Variants in GOLGA5 observed in about 807,000 individuals in gnomAD.
GOLGA5 encodes golgin A5, also known as golgin subfamily A member 5.
GOLGA5 carries 50 observed loss-of-function variants against 93.5 expected under a neutral mutation model. The ratio of observed to expected loss-of-function variants is 0.53; its 90% CI spans 0.43 to 0.68. The LOEUF (loss-of-function observed/expected upper bound fraction) is 0.68. GOLGA5 is among the 30% of genes least tolerant of loss of function. The pLI is 0.00. For synonymous variants in GOLGA5, 312 were observed against 304.5 expected (o/e 1.02, Z -0.26); for missense variants, 760 against 856.4 (o/e 0.89, Z 1.40).
At chr14:92,819,196 A>G (rs1379000506) in intron 7 of GOLGA5, among the ~76,000 whole-genome samples, 1 of 152,194 alleles carries the variant, frequency 6.6e-6, no homozygotes, top group Admixed American at 6.5e-5. Context: ...GTGAAACCAC[A>G]TGGCTTATGT....
chr14:92,831,730 A>G (rs1885535919), intron 9 of GOLGA5, among the ~76,000 whole-genome samples: 1 of 152,156 alleles, frequency 6.6e-6, no homozygotes, highest in Admixed American at 6.5e-5. Flanking sequence ...AGTAAACCTT[A>G]GTTTATACTC....
chr14:92,809,447 G>C lies in GOLGA5; in HGVS notation c.920G>C (p.Arg307Thr). ...KDSQLAVLKV[R>T]LQEADQLLST... ...TCCCAGCTGGCTGTACTGAAAGTGAGACTCCAGGAAGCTGACCAGCTACTG... is the reference window on the plus strand; with the variant it reads ...TCCCAGCTGGCTGTACTGAAAGTGACACTCCAGGAAGCTGACCAGCTACTG... Residue 307 changes from arginine to threonine, a missense_variant, in exon 4 of 13, where the codon AGA becomes ACA. By Grantham distance (71) the Arg-to-Thr change is moderately conservative (BLOSUM62 -1). Transcript: ENST00000163416. The C allele has an allele frequency of 6.2e-7, 1 of 1,614,084 alleles. No homozygotes were observed. Among genetic ancestry groups the C allele is most frequent in the Non-Finnish European group, 8.5e-7 (1 of 1,179,982 alleles).
chr14:92,797,343 T>C (rs932586068), intron 1 of GOLGA5, 65 bp from the exon 2 acceptor site: 6 of 925,224 alleles, frequency 6.5e-6, no homozygotes, highest in African/African-American at 1.7e-5. Context: ...CTCCAGAGTC[T>C]GGTCTTAACC....
chr14:92,837,594 G>A, intron 12 of GOLGA5, 145 bp downstream of exon 12: 1 of 587,184 alleles, frequency 1.7e-6, no homozygotes, highest in South Asian at 1.9e-5. Flanking sequence ...AACAGGGTCT[G>A]GCTCTTTTGC....
At chr14:92,812,522 G>A (rs1302615318) in intron 6 of GOLGA5, among the ~76,000 whole-genome samples, 2 of 152,170 alleles carry the variant, frequency 1.3e-5, no homozygotes, top group Non-Finnish European at 2.9e-5. Context: ...ATGCTTACCA[G>A]AATTGTGTAC....
At position 92,833,361 on chromosome 14, in the gene GOLGA5, G is replaced by T; in HGVS notation, c.1945+14G>T. On this transcript the variant is annotated intron_variant, in intron 10 of 12. Transcript: ENST00000163416. The stretch of plus-strand genomic sequence containing the variant: ...ACAATGGTGAAGGTAATCAAAAAAG[G>T]AATCTCAAAAGAACATTTCATTCAA... The T allele has an allele frequency of 6.7e-7, 1 of 1,483,562 alleles. No individual in the cohort carries two copies. The highest frequency in any genetic ancestry group is 2.3e-5 in the East Asian group (1 of 44,266). The allele number at this position is 1,483,562 out of a possible 1,614,324, so 91.9% of individuals were successfully genotyped here. A position where few individuals can be genotyped will look rare whatever the true frequency, so the allele number is the denominator to read the frequency against.
At position 92,794,656 on chromosome 14, in the gene GOLGA5, C is replaced by T. The variant is rs74833945; in HGVS notation, c.-31+200C>T. ...GACGTCGTTTACTGCCCTCCTCTGTCTTCCTTTCTCCTGACCCCTGCCTGG... is the reference window on the plus strand; with the variant it reads ...GACGTCGTTTACTGCCCTCCTCTGTTTTCCTTTCTCCTGACCCCTGCCTGG... On this transcript the variant is annotated intron_variant, in intron 1 of 12. Coordinates refer to ENST00000163416, the MANE Select transcript of GOLGA5 (RefSeq NM_005113.4). Among the ~76,000 whole-genome samples the T allele has an allele frequency of 1.1e-3, 169 of 152,382 alleles. 1 individual carries two copies. In the East Asian group the frequency reaches 0.022, roughly 20 times the overall value.
intron 9 of GOLGA5, among the ~76,000 whole-genome samples, chr14:92,825,076 A>ACT (rs565989982): frequency 7.1e-4 from 108 of 152,312 alleles, no homozygotes; most frequent in African/African-American, 2.5e-3. Flanking sequence ...AAATAATGAC[A>ACT]CTCATGTGCC....
At chr14:92,805,679 G>T (rs542045118) in intron 2 of GOLGA5, among the ~76,000 whole-genome samples, 3 of 152,246 alleles carry the variant, frequency 2.0e-5, no homozygotes, top group Non-Finnish European at 2.9e-5. Flanking sequence ...ATTCTAGGGG[G>T]TGTCTGTTGG....
rs906969006 is a variant in GOLGA5, at chr14:92,839,613, T to TCG, written c.*168_*169insGC. The TCG allele has an allele frequency of 1.2e-5, 7 of 598,342 alleles. No individual in the cohort carries two copies. In the African/African-American group the frequency reaches 1.3e-4, roughly 11 times the overall value. The allele number at this position is 598,342 out of a possible 1,614,324, so 37.1% of individuals were successfully genotyped here. On this transcript the variant is annotated 3_prime_UTR_variant, in exon 13 of 13. Transcript: ENST00000163416. ...AGTATTCTACCTAAATCTTCCAATT[T>TCG]CCTTTAAATGGTAAGAGTTTCTAAA...
Position 92,839,873 on chromosome 14 carries a change from A to G in GOLGA5, c.*427A>G. 5.3e-6 allele frequency: 1 copy of G among 188,172 alleles called. No homozygotes were observed. The highest frequency in any genetic ancestry group is 8.9e-5 in the East Asian group (1 of 11,196). 11.7% of individuals were successfully genotyped at this position (188,172 alleles called of 1,614,324 possible). On this transcript the variant is annotated 3_prime_UTR_variant, in exon 13 of 13. Transcript: ENST00000163416. ...TTCATATATTTAACTTTGCAAAAAG[A>G]TTTACTTTGTACATGTTACAGGCTT... is the stretch of plus-strand genomic sequence containing the variant.
At chr14:92,808,692 G>C (rs1232608983) in intron 3 of GOLGA5, among the ~76,000 whole-genome samples, 2 of 65,536 alleles carry the variant, frequency 3.1e-5, no homozygotes, top group African/African-American at 1.2e-4. Context: ...AGAAAGGTGT[G>C]TCTCACTGGA....
intron 12 of GOLGA5, among the ~76,000 whole-genome samples, chr14:92,839,103 C>G (rs1361770138): frequency 6.6e-6 from 1 of 152,164 alleles, no homozygotes; most frequent in Non-Finnish European, 1.5e-5. Context: ...GCATTATAAT[C>G]AACTGATTAT....
intron 10 of GOLGA5, among the ~76,000 whole-genome samples, chr14:92,834,184 C>CTTT (rs35449807): frequency 1.3e-4 from 18 of 135,024 alleles, no homozygotes; most frequent in Non-Finnish European, 1.6e-4. Flanking sequence ...TAGGTTTCAC[C>CTTT]TTTTTTTTTT....
intron 2 of GOLGA5, among the ~76,000 whole-genome samples, chr14:92,798,629 C>G (rs1884791347): frequency 2.0e-5 from 3 of 152,204 alleles, no homozygotes; most frequent in African/African-American, 4.8e-5. Flanking sequence ...TTTAAAATAG[C>G]TATAGGCTGG....
intron 10 of GOLGA5, among the ~76,000 whole-genome samples, chr14:92,834,534 C>T (rs1301700019): frequency 6.6e-6 from 1 of 152,128 alleles, no homozygotes; most frequent in Non-Finnish European, 1.5e-5. Context: ...GTGTTCCAGG[C>T]AGAAAGAAGA....
chr14:92,807,160 G>A (rs1259391341), intron 3 of GOLGA5, among the ~76,000 whole-genome samples, 197 bp downstream of exon 3: 1 of 152,052 alleles, frequency 6.6e-6, no homozygotes, highest in African/African-American at 2.4e-5. Context: ...AAATTAGTCA[G>A]ATGTGGTTGC....
At chr14:92,814,499 G>T (rs1885164381) in intron 6 of GOLGA5, among the ~76,000 whole-genome samples, 1 of 152,098 alleles carries the variant, frequency 6.6e-6, no homozygotes, top group Non-Finnish European at 1.5e-5. Context: ...TGGAGGCAGG[G>T]TACTTGACCA....
intron 2 of GOLGA5, among the ~76,000 whole-genome samples, chr14:92,804,574 A>T (rs1884941608): frequency 6.6e-6 from 1 of 151,968 alleles, no homozygotes; most frequent in Admixed American, 6.6e-5. Context: ...TTTTCTATAA[A>T]CATTTCATTT....
Sources: allele counts gnomAD v4.1 joint callset (sites outside exome capture counted in the v4.1 genomes callset), GRCh38; gene constraint gnomAD v4.1.1; transcripts MANE v1.5; gene names NCBI Gene and HGNC (gene_info 2026-07-23, HGNC 2026-07-21).